JAKMIP2: variants seen among roughly 807,000 people sequenced by gnomAD.
JAKMIP2 encodes janus kinase and microtubule-interacting protein 2.
JAKMIP2 carries 25 observed loss-of-function variants against 115.0 expected under a neutral mutation model. The observed-to-expected ratio is 0.22, with a 90% CI of 0.16 to 0.30. The LOEUF (loss-of-function observed/expected upper bound fraction) is 0.30. JAKMIP2 is among the 10% of genes least tolerant of loss of function. The probability of loss-of-function intolerance (pLI) is 1.00; values close to 1 mark genes in which losing one functional copy is unlikely to be tolerated. For synonymous variants in JAKMIP2, 334 were observed against 343.6 expected (o/e 0.97, Z 0.31); for missense variants, 642 against 957.6 (o/e 0.67, Z 4.35).
rs60288356 is a variant in JAKMIP2, at chr5:147,751,074, CTT to C, written c.-149+31380_-149+31381del. Among the ~76,000 whole-genome samples the C allele has an allele frequency of 5.8e-3, 828 of 143,218 alleles. 3 individuals carry two copies. The highest frequency in any genetic ancestry group is 0.022 in the Middle Eastern group (6 of 278). 94.0% of individuals were successfully genotyped at this position (143,218 alleles called of 152,430 possible). ...TTTTCCCTGTTAAAAGTCAGAATGA[CTT>C]TTTTTTTTTTTTTGAGACGGAGTCT... On this transcript the variant is annotated intron_variant, in intron 1 of 21. Transcript: ENST00000616793.
At chr5:147,660,313 A>G in intron 3 of JAKMIP2, 1 of 295,460 alleles carries the variant, frequency 3.4e-6, no homozygotes, top group South Asian at 3.2e-5. Flanking sequence ...GGAAACTATA[A>G]ATAGCAAACA....
chr5:147,632,334 G>A (rs925719198), intron 13 of JAKMIP2, among the ~76,000 whole-genome samples: 2 of 152,066 alleles, frequency 1.3e-5, no homozygotes, highest in Non-Finnish European at 2.9e-5. Flanking sequence ...ATTAAGGATG[G>A]ACATGAGTAT....
At chr5:147,754,209 A>G (rs1754662861) in intron 1 of JAKMIP2, among the ~76,000 whole-genome samples, 1 of 152,158 alleles carries the variant, frequency 6.6e-6, no homozygotes, top group South Asian at 2.1e-4. Flanking sequence ...CAGCACAACA[A>G]CCTCTAATTT....
intron 3 of JAKMIP2, among the ~76,000 whole-genome samples, chr5:147,652,590 A>G (rs921826027): frequency 3.9e-5 from 6 of 152,186 alleles, no homozygotes; most frequent in African/African-American, 1.4e-4. Flanking sequence ...GAAGGAAAAA[A>G]TGAAGATGAG....
At chr5:147,735,468 A>C (rs1753886045) in intron 1 of JAKMIP2, among the ~76,000 whole-genome samples, 1 of 152,190 alleles carries the variant, frequency 6.6e-6, no homozygotes, top group South Asian at 2.1e-4. Flanking sequence ...AGTGGCAGGC[A>C]AGAGAGCTTG....
intron 4 of JAKMIP2, among the ~76,000 whole-genome samples, 178 bp downstream of exon 4, chr5:147,650,160 C>A (rs1457093668): frequency 6.6e-6 from 1 of 152,110 alleles, no homozygotes; most frequent in Admixed American, 6.6e-5. Context: ...GTAGTGCAGA[C>A]CACTTAGTTG....
chr5:147,661,684 G>A (rs757383023), intron 2 of JAKMIP2: 2 of 475,170 alleles, frequency 4.2e-6, no homozygotes, highest in Non-Finnish European at 7.5e-6. Context: ...ATGTTCTGGG[G>A]CCTTACTATG....
intron 17 of JAKMIP2, among the ~76,000 whole-genome samples, chr5:147,621,477 G>A (rs951384348): frequency 2.6e-5 from 4 of 152,288 alleles, no homozygotes; most frequent in African/African-American, 4.8e-5. Context: ...TTGAGAGATC[G>A]TGTATCTGTA....
rs539688988 is a variant in JAKMIP2, at chr5:147,747,073, T to C, written c.-149+35383A>G. 1.1e-4 allele frequency among the ~76,000 whole-genome samples: 17 copies of C among 152,246 alleles called. 1 individual carries two copies. The South Asian group carries it at 2.9e-3, about 26-fold the overall frequency. ...AAGCTCGAATGTCTTTCACCCACTC[T>C]CCCACATACCATAGTGCTTTATTAT... On this transcript the variant is annotated intron_variant, in intron 1 of 21. Transcript: ENST00000616793.
chr5:147,620,897 TC>T lies in JAKMIP2; in HGVS notation c.2065-155del, dbSNP rs565023002. Reference sequence around the variant, plus strand: ...TTGTCTGTTAGGGAAATAGTTCAACTCTCATAGTCTCACACAGGAATGTGAA... The same window carrying T: ...TTGTCTGTTAGGGAAATAGTTCAACTTCATAGTCTCACACAGGAATGTGAA... On this transcript the variant is annotated intron_variant, in intron 17 of 21. Coordinates refer to ENST00000616793, the MANE Select transcript of JAKMIP2 (RefSeq NM_001270941.2). Among the ~76,000 whole-genome samples, 905 of 152,272 alleles carry T rather than the reference TC, an allele frequency of 5.9e-3. 15 individuals are homozygous for T. Among genetic ancestry groups the T allele is most frequent in the African/African-American group, 0.021 (871 of 41,538 alleles).
chr5:147,658,689 T>C (rs548035812), intron 3 of JAKMIP2, among the ~76,000 whole-genome samples: 1 of 152,234 alleles, frequency 6.6e-6, no homozygotes, highest in Admixed American at 6.5e-5. Context: ...TGTAAGCCCC[T>C]GAATGGAGCT....
chr5:147,679,634 C>T (rs1281202048), intron 1 of JAKMIP2, among the ~76,000 whole-genome samples: 1 of 152,218 alleles, frequency 6.6e-6, no homozygotes, highest in Non-Finnish European at 1.5e-5. Flanking sequence ...CAGGCAATGG[C>T]ATTAACTCAT....
intron 1 of JAKMIP2, among the ~76,000 whole-genome samples, chr5:147,737,466 T>C (rs887586387): frequency 1.3e-5 from 2 of 152,224 alleles, no homozygotes; most frequent in African/African-American, 4.8e-5. Flanking sequence ...AATGTTACAC[T>C]GAGTGGGATC....
intron 1 of JAKMIP2, among the ~76,000 whole-genome samples, chr5:147,691,461 T>C (rs56115323): frequency 0.12 from 18,305 of 152,150 alleles, 1,478 homozygotes; most frequent in Non-Finnish European, 0.17. Context: ...TTCTTTCTCC[T>C]TATTGTTGAA....
intron 17 of JAKMIP2, among the ~76,000 whole-genome samples, chr5:147,621,238 T>C (rs1422681452): frequency 6.6e-6 from 1 of 152,224 alleles, no homozygotes; most frequent in Non-Finnish European, 1.5e-5. Context: ...AGTGGGTGTC[T>C]GCTTTTGCCA....
intron 1 of JAKMIP2, among the ~76,000 whole-genome samples, chr5:147,762,403 A>G (rs1754960323): frequency 6.6e-6 from 1 of 152,164 alleles, no homozygotes; most frequent in African/African-American, 2.4e-5. Context: ...ACAAAATACC[A>G]TCAACCAGGT....
chr5:147,706,431 G>T (rs2126899807), intron 1 of JAKMIP2, among the ~76,000 whole-genome samples: 1 of 152,246 alleles, frequency 6.6e-6, no homozygotes, highest in Middle Eastern at 3.4e-3. Flanking sequence ...CAATCTTTCT[G>T]CCCCAGCCTC....
chr5:147,660,331 T>C (rs1758892267), intron 3 of JAKMIP2: 3 of 316,382 alleles, frequency 9.5e-6, no homozygotes, highest in East Asian at 7.6e-5. Context: ...ACAACCTACT[T>C]AGGGATGACA....
chr5:147,781,006 A>G (rs1755737129), intron 1 of JAKMIP2, among the ~76,000 whole-genome samples: 1 of 152,174 alleles, frequency 6.6e-6, no homozygotes, highest in Admixed American at 6.5e-5. Flanking sequence ...GAACCTCCTC[A>G]TCTCACGCAT....
Sources: gnomAD v4.1 joint callset for allele counts (sites outside exome capture counted in the v4.1 genomes callset) on GRCh38, gnomAD v4.1.1 for gene constraint, MANE v1.5 for transcripts, NCBI Gene and HGNC (gene_info 2026-07-23, HGNC 2026-07-21) for gene names.